Variants in DOK6 observed in about 807,000 individuals in gnomAD.
DOK6 encodes the protein downstream of tyrosine kinase 6.
DOK6 carries 22 observed loss-of-function variants against 44.0 expected under a neutral mutation model. The ratio of observed to expected loss-of-function variants is 0.50; its 90% CI spans 0.36 to 0.71. The LOEUF (loss-of-function observed/expected upper bound fraction) is 0.71, where lower values mean the gene tolerates loss of function less well. DOK6 is among the 30% of genes least tolerant of loss of function. The pLI is 0.00. For synonymous variants in DOK6, 166 were observed against 145.5 expected, an observed-to-expected ratio of 1.14 and a Z score of -1.01; for missense variants, 340 against 416.4, an observed-to-expected ratio of 0.82 and a Z score of 1.60.
At chr18:69,790,285 A>T (rs1980555196) in intron 7 of DOK6, among the ~76,000 whole-genome samples, 1 of 149,674 alleles carries the variant, frequency 6.7e-6, no homozygotes. Context: ...GGGCAAGGGG[A>T]GGGATAACAT....
intron 7 of DOK6, among the ~76,000 whole-genome samples, chr18:69,819,129 AT>A (rs1295988379): frequency 5.3e-5 from 8 of 152,198 alleles, no homozygotes; most frequent in African/African-American, 1.9e-4. Context: ...TATCATCTCC[AT>A]AAGAGTAAAC....
chr18:69,612,769 T>C (rs1178431563), intron 3 of DOK6, among the ~76,000 whole-genome samples: 3 of 152,214 alleles, frequency 2.0e-5, no homozygotes, highest in Non-Finnish European at 4.4e-5. Context: ...CTAATAAAAG[T>C]GTGTTGAATT....
chr18:69,572,567 T>A (rs1258693264), intron 2 of DOK6, among the ~76,000 whole-genome samples: 1 of 152,022 alleles, frequency 6.6e-6, no homozygotes, highest in Non-Finnish European at 1.5e-5. Context: ...ATTCTATAGT[T>A]CTGGATAAAA....
At chr18:69,805,456 A>G (rs1472352596) in intron 7 of DOK6, among the ~76,000 whole-genome samples, 1 of 152,140 alleles carries the variant, frequency 6.6e-6, no homozygotes, top group East Asian at 1.9e-4. Flanking sequence ...AATACATGTA[A>G]TCCTTTTTAA....
At chr18:69,678,884 G>T (rs1271089303) in intron 4 of DOK6, among the ~76,000 whole-genome samples, 1 of 152,074 alleles carries the variant, frequency 6.6e-6, no homozygotes, top group East Asian at 1.9e-4. Context: ...TATTTATTAA[G>T]AAGAAATTCT....
intron 1 of DOK6, among the ~76,000 whole-genome samples, chr18:69,434,315 A>C (rs2122429183): frequency 6.6e-6 from 1 of 152,326 alleles, no homozygotes; most frequent in South Asian, 2.1e-4. Context: ...AAGTTAATTA[A>C]ACACTTTGCA....
In DOK6 at chr18:69,844,781, A is replaced by G. The variant is rs767905336; in HGVS notation, c.*3398A>G. 18 of 152,240 alleles carry G rather than the reference A, an allele frequency of 1.2e-4. No homozygotes were observed. Among genetic ancestry groups the G allele is most frequent in the Non-Finnish European group, 1.6e-4 (11 of 68,044 alleles). The allele number at this position is 152,240 out of a possible 1,614,324, so 9.4% of individuals were successfully genotyped here. ...TAGAGCATGTGAAATCAATGGAAAC[A>G]TATTTATTAAAAGTAAACCTCACCT... On this transcript the variant is annotated 3_prime_UTR_variant, in exon 8 of 8. Transcript: ENST00000382713.
At chr18:69,493,639 G>C (rs1980801116) in intron 1 of DOK6, among the ~76,000 whole-genome samples, 1 of 152,054 alleles carries the variant, frequency 6.6e-6, no homozygotes, top group Non-Finnish European at 1.5e-5. Context: ...AAATCATAGA[G>C]ATACATATAT....
At chr18:69,772,693 A>G (rs1979924008) in intron 7 of DOK6, among the ~76,000 whole-genome samples, 1 of 152,008 alleles carries the variant, frequency 6.6e-6, no homozygotes, top group African/African-American at 2.4e-5. Flanking sequence ...ACCATGCACA[A>G]AAGTCAACTC....
chr18:69,707,856 G>A (rs1190336336), intron 5 of DOK6, among the ~76,000 whole-genome samples: 1 of 152,084 alleles, frequency 6.6e-6, no homozygotes, highest in Non-Finnish European at 1.5e-5. Context: ...TTAATTGTAG[G>A]GACTCAGGAA....
rs561793627 is a variant in DOK6 at position 69,498,181 on chromosome 18, A to G, written c.67-66306A>G. Reference sequence around the variant, plus strand: ...AAAATTCACTTTGGGAAAATTAGATATAGTAAAATGAACTTAATTATTTGA... The same window carrying G: ...AAAATTCACTTTGGGAAAATTAGATGTAGTAAAATGAACTTAATTATTTGA... On this transcript the variant is annotated intron_variant, in intron 1 of 7. Transcript: ENST00000382713. 1.2e-3 allele frequency among the ~76,000 whole-genome samples: 181 copies of G among 152,282 alleles called. 1 individual carries two copies. Among genetic ancestry groups the G allele is most frequent in the Non-Finnish European group, 2.0e-3 (138 of 68,012 alleles).
At chr18:69,831,861 A>G (rs1981911048) in intron 7 of DOK6, among the ~76,000 whole-genome samples, 1 of 152,256 alleles carries the variant, frequency 6.6e-6, no homozygotes, top group Non-Finnish European at 1.5e-5. Context: ...ATTGCTAAGC[A>G]TAATTAATAT....
intron 3 of DOK6, among the ~76,000 whole-genome samples, chr18:69,628,298 C>A (rs1194905943): frequency 6.6e-6 from 1 of 152,110 alleles, no homozygotes; most frequent in East Asian, 1.9e-4. Flanking sequence ...TGAGACCAGC[C>A]TGGCAAACTT....
chr18:69,644,399 C>T (rs574013962), intron 3 of DOK6, among the ~76,000 whole-genome samples: 1 of 152,036 alleles, frequency 6.6e-6, no homozygotes, highest in African/African-American at 2.4e-5. Flanking sequence ...TTTCATTTTG[C>T]TCTTAAGTTT....
At chr18:69,529,652 C>A (rs1981930086) in intron 1 of DOK6, among the ~76,000 whole-genome samples, 1 of 152,120 alleles carries the variant, frequency 6.6e-6, no homozygotes, top group Admixed American at 6.6e-5. Flanking sequence ...AATCTTTGCT[C>A]AAGTTATCAT....
intron 1 of DOK6, among the ~76,000 whole-genome samples, chr18:69,416,205 G>C (rs1468264985): frequency 1.1e-4 from 16 of 145,558 alleles, no homozygotes; most frequent in Non-Finnish European, 1.9e-4. Context: ...AAGGAAGGAA[G>C]GAAGGAACGA....
At chr18:69,738,835 A>T (rs1322306792) in intron 5 of DOK6, 130 bp from the exon 6 acceptor site, 6 of 1,141,798 alleles carry the variant, frequency 5.3e-6, no homozygotes, top group Non-Finnish European at 7.4e-6. Flanking sequence ...GTTACGGCTG[A>T]ATCAGCCTCA....
intron 1 of DOK6, among the ~76,000 whole-genome samples, chr18:69,496,358 A>T (rs1980888966): frequency 1.3e-5 from 2 of 152,200 alleles, no homozygotes; most frequent in Non-Finnish European, 2.9e-5. Context: ...CCAACTCGGA[A>T]GGGGCGGGGC....
chr18:69,728,667 G>A (rs994249756), intron 5 of DOK6, among the ~76,000 whole-genome samples: 2 of 151,344 alleles, frequency 1.3e-5, no homozygotes, highest in Non-Finnish European at 2.9e-5. Context: ...GTAACTTCCT[G>A]CCCCCCTTTA....
Sources: gnomAD v4.1 joint callset for allele counts (sites outside exome capture counted in the v4.1 genomes callset) on GRCh38, gnomAD v4.1.1 for gene constraint, MANE v1.5 for transcripts, NCBI Gene and HGNC (gene_info 2026-07-23, HGNC 2026-07-21) for gene names.